Variants in KIZ observed in about 807,000 individuals in gnomAD.
KIZ encodes centrosomal protein kizuna.
In KIZ, 68 loss-of-function variants were observed where a neutral mutation model predicts 79.6. The ratio of observed to expected loss-of-function variants is 0.85; its 90% CI spans 0.70 to 1.05. The LOEUF is 1.05. KIZ is among the 50% of genes least tolerant of loss of function. The probability of loss-of-function intolerance (pLI) is 0.00; values close to 1 mark genes in which losing one functional copy is unlikely to be tolerated. For synonymous variants in KIZ, 280 were observed against 281.8 expected, an observed-to-expected ratio of 0.99 and a Z score of 0.06; for missense variants, 797 against 800.4, an observed-to-expected ratio of 1.00 and a Z score of 0.05.
At chr20:21,127,432 G>T (rs748191647) in intron 1 of KIZ, among the ~76,000 whole-genome samples, 6 of 152,070 alleles carry the variant, frequency 3.9e-5, no homozygotes, top group Non-Finnish European at 7.4e-5. Flanking sequence ...TGTTTCCTGT[G>T]CTAGGAACAC....
At position 21,179,948 on chromosome 20, in the gene KIZ, A is replaced by T. The variant is rs566212303; in HGVS notation, c.1352+16789A>T. Among the ~76,000 whole-genome samples the T allele has an allele frequency of 4.6e-5, 7 of 152,244 alleles. No individual in the cohort carries two copies. The East Asian group carries it at 1.4e-3, about 29-fold the overall frequency. ...TACTTGGTATGATTCAGTCTTTTTA[A>T]ATTTGTAAGACTTGTTTTGTAAGCT... On this transcript the variant is annotated intron_variant, in intron 6 of 12. Transcript: ENST00000619189.
At position 21,226,626 on chromosome 20, in the gene KIZ, G is replaced by A. The variant is rs148500729; in HGVS notation, c.1679-2385G>A. 4.6e-3 allele frequency among the ~76,000 whole-genome samples: 707 copies of A among 152,332 alleles called. 4 individuals are homozygous for A. The highest frequency in any genetic ancestry group is 0.03 in the South Asian group (147 of 4,826). The stretch of plus-strand genomic sequence containing the variant: ...CTCTGCCCTCTCCCGCAACTTTGAC[G>A]TCTGTGGTCCTGCCTCAGTGAGTGT... On this transcript the variant is annotated intron_variant, in intron 9 of 12. Transcript: ENST00000619189.
rs1483226607 is a variant in KIZ, at chr20:21,162,910, AG to A, written c.1105del (p.Glu369ArgfsTer14). On this transcript the variant is annotated frameshift_variant, in exon 6 of 13. Transcript: ENST00000619189. LOFTEE classifies it high-confidence loss of function. ...CCCTTCAGAAAAATGCAGGAAGAGG[AG>A]GAGGAAAGTTGGAGCACCAGCAGTG... is the stretch of plus-strand genomic sequence containing the variant. ...QKPFRKMQEE[E>X]EESWSTSSDL... is the part of the protein sequence containing the mutation. 1.2e-6 allele frequency: 2 copies of A among 1,613,534 alleles called. No homozygotes were observed. The highest frequency in any genetic ancestry group is 2.7e-5 in the African/African-American group (2 of 74,914).
At chr20:21,169,386 C>G (rs1402263685) in intron 6 of KIZ, among the ~76,000 whole-genome samples, 1 of 152,124 alleles carries the variant, frequency 6.6e-6, no homozygotes, top group Non-Finnish European at 1.5e-5. Flanking sequence ...GAGATACCAT[C>G]TCACACCAGT....
Position 21,183,679 on chromosome 20 carries a change from A to G in KIZ, c.1352+20520A>G, listed in dbSNP as rs549397207. 1.4e-4 allele frequency among the ~76,000 whole-genome samples: 21 copies of G among 152,144 alleles called. No individual in the cohort carries two copies. In the South Asian group the frequency reaches 3.7e-3, roughly 27 times the overall value. The stretch of plus-strand genomic sequence containing the variant: ...ATAAAAATAAAACTGATACAGAAAC[A>G]GTAAATTACAGGATTTTTTTTTGTC... On this transcript the variant is annotated intron_variant, in intron 6 of 12. Transcript: ENST00000619189.
At chr20:21,243,922 C>G (rs1467505515) in intron 11 of KIZ, among the ~76,000 whole-genome samples, 1 of 152,202 alleles carries the variant, frequency 6.6e-6, no homozygotes, top group Non-Finnish European at 1.5e-5. Context: ...GGAAACCGGT[C>G]CCCTGCCTCA....
At chr20:21,176,250 C>T (rs2034428560) in intron 6 of KIZ, among the ~76,000 whole-genome samples, 1 of 152,104 alleles carries the variant, frequency 6.6e-6, no homozygotes, top group Non-Finnish European at 1.5e-5. Context: ...GCAGAGGTTG[C>T]AGTGAGCCAA....
chr20:21,155,166 G>A (rs2122604900), intron 4 of KIZ, among the ~76,000 whole-genome samples: 1 of 152,300 alleles, frequency 6.6e-6, no homozygotes, highest in East Asian at 1.9e-4. Context: ...TCATAGCATA[G>A]CATTCAAGCA....
intron 6 of KIZ, among the ~76,000 whole-genome samples, chr20:21,171,512 A>G (rs2034204312): frequency 1.3e-5 from 2 of 152,158 alleles, no homozygotes; most frequent in African/African-American, 4.8e-5. Flanking sequence ...TGGTGTGATC[A>G]TGGCCCACTG....
chr20:21,221,396 C>G (rs2036497351), intron 9 of KIZ, among the ~76,000 whole-genome samples: 1 of 152,140 alleles, frequency 6.6e-6, no homozygotes, highest in Non-Finnish European at 1.5e-5. Flanking sequence ...GGATAGAATA[C>G]TATCTCTTTC....
chr20:21,188,684 A>AT (rs199685061), intron 6 of KIZ, among the ~76,000 whole-genome samples: 1 of 146,734 alleles, frequency 6.8e-6, no homozygotes, highest in African/African-American at 2.5e-5. Flanking sequence ...TATTTTATTT[A>AT]TTTATTTATT....
intron 4 of KIZ, among the ~76,000 whole-genome samples, chr20:21,150,148 C>A (rs2033047673): frequency 6.6e-6 from 1 of 152,180 alleles, no homozygotes; most frequent in Non-Finnish European, 1.5e-5. Flanking sequence ...TACCAGAGTG[C>A]CACGCCTGGC....
intron 2 of KIZ, chr20:21,132,829 T>A (rs2031938039): frequency 1.3e-5 from 2 of 152,238 alleles, no homozygotes; most frequent in Non-Finnish European, 2.9e-5. Flanking sequence ...AAGACATAAT[T>A]ACTGTAGTTG....
chr20:21,200,498 A>G (rs879442614), intron 6 of KIZ, among the ~76,000 whole-genome samples: 1 of 152,020 alleles, frequency 6.6e-6, no homozygotes, highest in East Asian at 1.9e-4. Context: ...TTTTCCTGCA[A>G]CTAGATGGTC....
chr20:21,135,294 G>A (rs1032544514), intron 2 of KIZ, among the ~76,000 whole-genome samples: 1 of 152,196 alleles, frequency 6.6e-6, no homozygotes, highest in African/African-American at 2.4e-5. Flanking sequence ...GACACCACCA[G>A]CAGCAGCTTT....
rs754623233 is a variant in KIZ at position 21,215,622 on chromosome 20, ATG to A, written c.1655_1656del (p.Val552GlyfsTer23). On this transcript the variant is annotated frameshift_variant, in exon 9 of 13. Coordinates refer to ENST00000619189, the MANE Select transcript of KIZ (RefSeq NM_018474.6). LOFTEE classifies it high-confidence loss of function. The stretch of plus-strand genomic sequence containing the variant: ...TGTGGAGACAAGAGCAAGAAAGAAA[ATG>A]TGGCTGCAGATATCCCAATCACAGG... 5 of 1,607,060 alleles carry A rather than the reference ATG, an allele frequency of 3.1e-6. 1 individual carries two copies. The South Asian group carries it at 5.6e-5, about 18-fold the overall frequency.
intron 7 of KIZ, among the ~76,000 whole-genome samples, chr20:21,213,321 G>A (rs564709939): frequency 2.0e-5 from 3 of 152,200 alleles, no homozygotes; most frequent in African/African-American, 7.2e-5. Flanking sequence ...TCTCCCTGTC[G>A]GAGTGTCTTC....
intron 6 of KIZ, among the ~76,000 whole-genome samples, chr20:21,204,656 AAC>A (rs869197889): frequency 3.1e-5 from 2 of 64,188 alleles, no homozygotes; most frequent in Non-Finnish European, 6.5e-5. Flanking sequence ...TTTCTGGTAC[AAC>A]AAGATGTTTC....
At chr20:21,185,258 G>A (rs999602172) in intron 6 of KIZ, among the ~76,000 whole-genome samples, 14 of 151,996 alleles carry the variant, frequency 9.2e-5, no homozygotes, top group Non-Finnish European at 1.9e-4. Context: ...TTTTCTGACG[G>A]TTTTCCTTTG....
Sources: allele counts gnomAD v4.1 joint callset (sites outside exome capture counted in the v4.1 genomes callset), GRCh38; gene constraint gnomAD v4.1.1; transcripts MANE v1.5; gene names NCBI Gene and HGNC (gene_info 2026-07-23, HGNC 2026-07-21).